The following ST8SIA5 variants were observed in gnomAD, a reference collection of about 807,000 sequenced individuals.
ST8SIA5 encodes the protein alpha-2,8-sialyltransferase 8E.
Under a neutral mutation model 40.2 loss-of-function variants are expected in ST8SIA5, and 24 were observed. The observed-to-expected ratio is 0.60, with a 90% CI of 0.43 to 0.84. The LOEUF is 0.84. Ranked by LOEUF, ST8SIA5 falls within the 40% of genes least tolerant of loss-of-function variation. The pLI, the probability that ST8SIA5 is intolerant of heterozygous loss-of-function variation, is 0.00. For synonymous variants in ST8SIA5, 198 were observed against 201.8 expected (o/e 0.98, Z 0.16); for missense variants, 465 against 498.5 (o/e 0.93, Z 0.64).
At chr18:46,753,878 C>T (rs1032342192) in intron 1 of ST8SIA5, among the ~76,000 whole-genome samples, 1 of 152,102 alleles carries the variant, frequency 6.6e-6, no homozygotes, top group South Asian at 2.1e-4. Context: ...GCTTGCAGAT[C>T]GCCTGGGGAG....
At position 46,724,117 on chromosome 18, in the gene ST8SIA5, T is replaced by C. The variant is rs189375191; in HGVS notation, c.132-19453A>G. ...CTCTGTTCCCATCTTTCAAGAGGAC[T>C]GTCTCAGTTGCCTTCAAAGTCTTTG... On this transcript the variant is annotated intron_variant, in intron 1 of 6. Transcript: ENST00000315087. 2.0e-4 allele frequency among the ~76,000 whole-genome samples: 31 copies of C among 152,374 alleles called. No individual in the cohort carries two copies. The East Asian group carries it at 4.2e-3, about 21-fold the overall frequency.
chr18:46,729,039 T>G (rs1013852191), intron 1 of ST8SIA5, among the ~76,000 whole-genome samples: 1 of 152,150 alleles, frequency 6.6e-6, no homozygotes, highest in African/African-American at 2.4e-5. Context: ...AAGCCACTAT[T>G]GTGCTCCCAC....
In ST8SIA5 at chr18:46,676,094, T is replaced by C. The variant is rs2144447365; in HGVS notation, c.*3948A>G. On this transcript the variant is annotated 3_prime_UTR_variant, in exon 7 of 7. Transcript: ENST00000315087. ...AAAAAGACCAGAGAGGCCAACCTTG[T>C]CAAATGTTACACGGATGTCAAGGAT... The C allele has an allele frequency of 6.6e-6, 1 of 152,230 alleles. No homozygotes were observed. The highest frequency in any genetic ancestry group is 1.9e-4 in the East Asian group (1 of 5,178). 9.4% of individuals were successfully genotyped at this position (152,230 alleles called of 1,614,324 possible).
chr18:46,751,889 C>T (rs1182491602), intron 1 of ST8SIA5, among the ~76,000 whole-genome samples: 1 of 152,120 alleles, frequency 6.6e-6, no homozygotes, highest in Non-Finnish European at 1.5e-5. Flanking sequence ...GTTGGTGACT[C>T]CAAATCTACA....
intron 3 of ST8SIA5, chr18:46,691,741 G>T: frequency 5.7e-6 from 1 of 174,522 alleles, no homozygotes; most frequent in Non-Finnish European, 1.2e-5. Flanking sequence ...GAACTCAAAT[G>T]CTCTGAGAAG....
At chr18:46,686,064 G>A (rs2039443004) in intron 5 of ST8SIA5, 110 bp downstream of exon 5, 1 of 997,260 alleles carries the variant, frequency 1.0e-6, no homozygotes, top group Non-Finnish European at 1.6e-6. Flanking sequence ...GTCTGCAGGG[G>A]TGGGAAGTGG....
At chr18:46,733,635 G>C (rs947348873) in intron 1 of ST8SIA5, among the ~76,000 whole-genome samples, 3 of 152,142 alleles carry the variant, frequency 2.0e-5, no homozygotes, top group Non-Finnish European at 4.4e-5. Flanking sequence ...GCTTGGGGTG[G>C]GGGAGGAATG....
At chr18:46,728,438 C>T (rs1410126732) in intron 1 of ST8SIA5, among the ~76,000 whole-genome samples, 2 of 152,234 alleles carry the variant, frequency 1.3e-5, no homozygotes, top group Non-Finnish European at 2.9e-5. Context: ...TGGGGCCAAG[C>T]ATCCGCGAGT....
intron 1 of ST8SIA5, among the ~76,000 whole-genome samples, chr18:46,723,945 G>A (rs1220721855): frequency 6.6e-6 from 1 of 151,768 alleles, no homozygotes; most frequent in Non-Finnish European, 1.5e-5. Flanking sequence ...AAAGAAAAAA[G>A]CAGAATTTTT....
chr18:46,712,118 T>C (rs912400134), intron 1 of ST8SIA5, among the ~76,000 whole-genome samples: 32 of 152,144 alleles, frequency 2.1e-4, no homozygotes, highest in Non-Finnish European at 3.8e-4. Context: ...GATCCAGTGT[T>C]TAACATATTC....
rs1420070704 is a variant in ST8SIA5, at chr18:46,670,732, A to G, written c.*9310T>C. On this transcript the variant is annotated 3_prime_UTR_variant, in exon 7 of 7. Coordinates refer to ENST00000315087, the MANE Select transcript of ST8SIA5 (RefSeq NM_013305.6). Reference sequence around the variant, plus strand: ...CAGATGTGAGCCACCATGCCTGGACATATTTTCTTATCCTTAATGTAGTGT... The same window carrying G: ...CAGATGTGAGCCACCATGCCTGGACGTATTTTCTTATCCTTAATGTAGTGT... The G allele has an allele frequency of 6.6e-6, 1 of 151,126 alleles. No individual in the cohort carries two copies. The highest frequency in any genetic ancestry group is 1.9e-4 in the East Asian group (1 of 5,160). 9.4% of individuals were successfully genotyped at this position (151,126 alleles called of 1,614,324 possible).
At chr18:46,708,461 TGCCTCTTCTA>T (rs1220515776) in intron 1 of ST8SIA5, among the ~76,000 whole-genome samples, 1 of 152,180 alleles carries the variant, frequency 6.6e-6, no homozygotes, top group Admixed American at 6.5e-5. Context: ...CTGGAGGGAC[TGCCTCTTCTA>T]GGGCTAGCCA....
At chr18:46,719,032 C>T (rs1314729736) in intron 1 of ST8SIA5, among the ~76,000 whole-genome samples, 2 of 152,172 alleles carry the variant, frequency 1.3e-5, no homozygotes, top group African/African-American at 4.8e-5. Context: ...GGGGACTCTA[C>T]GTACTGCAGT....
rs372900771 is a variant in ST8SIA5 at position 46,688,460 on chromosome 18, G to A, written c.456+315C>T. On this transcript the variant is annotated intron_variant, in intron 4 of 6. Coordinates refer to ENST00000315087, the MANE Select transcript of ST8SIA5 (RefSeq NM_013305.6). ...CTTGTGCCTACCTCAGGAGGGGGACGAATGTGTTGTCATTCTCTCCCTATC... is the reference window on the plus strand; with the variant it reads ...CTTGTGCCTACCTCAGGAGGGGGACAAATGTGTTGTCATTCTCTCCCTATC... Among the ~76,000 whole-genome samples, 10 of 152,288 alleles carry A rather than the reference G, an allele frequency of 6.6e-5. No homozygotes were observed. In the South Asian group the frequency reaches 8.3e-4, roughly 13 times the overall value.
chr18:46,736,713 C>T (rs936660552), intron 1 of ST8SIA5, among the ~76,000 whole-genome samples: 1 of 152,156 alleles, frequency 6.6e-6, no homozygotes, highest in East Asian at 1.9e-4. Context: ...GTTTGGCCTT[C>T]CTTTGCCCAG....
rs928115928 is a variant in ST8SIA5 at position 46,675,313 on chromosome 18, G to A, written c.*4729C>T. On this transcript the variant is annotated 3_prime_UTR_variant, in exon 7 of 7. Transcript: ENST00000315087. ...TATTTCACTTAGCTTTGCAACAGCT[G>A]TTGTGGTTGGTATCCTGTCCTCATT... The A allele has an allele frequency of 5.3e-5, 8 of 152,218 alleles. No homozygotes were observed. Among genetic ancestry groups the A allele is most frequent in the African/African-American group, 1.9e-4 (8 of 41,452 alleles). 9.4% of individuals were successfully genotyped at this position (152,218 alleles called of 1,614,324 possible). A position where few individuals can be genotyped will look rare whatever the true frequency, so the allele number is the denominator to read the frequency against.
chr18:46,748,854 ACAGAGTTAC>A (rs1022649703), intron 1 of ST8SIA5, among the ~76,000 whole-genome samples: 2 of 152,336 alleles, frequency 1.3e-5, no homozygotes, highest in African/African-American at 4.8e-5. Flanking sequence ...AATGGCAAAC[ACAGAGTTAC>A]CATATAACCA....
chr18:46,712,385 A>T (rs866083214), intron 1 of ST8SIA5, among the ~76,000 whole-genome samples: 20 of 152,158 alleles, frequency 1.3e-4, no homozygotes, highest in African/African-American at 4.8e-4. Context: ...CTTCCTGAGT[A>T]GTCCCCATCT....
chr18:46,722,604 A>T (rs56068993), intron 1 of ST8SIA5, among the ~76,000 whole-genome samples: 3,803 of 152,334 alleles, frequency 0.025, 60 homozygotes, highest in Non-Finnish European at 0.039. Flanking sequence ...TCAGCCTGGC[A>T]CTATGGCATC....
Sources: allele counts gnomAD v4.1 joint callset (sites outside exome capture counted in the v4.1 genomes callset), GRCh38; gene constraint gnomAD v4.1.1; transcripts MANE v1.5; gene names NCBI Gene and HGNC (gene_info 2026-07-23, HGNC 2026-07-21).